Variants in CSMD1 observed in about 807,000 individuals in gnomAD.
CSMD1 encodes CUB and Sushi multiple domains 1, also known as CUB and sushi domain-containing protein 1.
A neutral mutation model predicts 417.5 loss-of-function variants in CSMD1; 213 were observed. The observed-to-expected ratio is 0.51, with a 90% CI of 0.46 to 0.57. The LOEUF (loss-of-function observed/expected upper bound fraction) is 0.57, where lower values mean the gene tolerates loss of function less well. CSMD1 is among the 20% of genes least tolerant of loss of function. The pLI is 0.00. For missense variants in CSMD1, 6,923 were observed against 4,529.7 expected (o/e 1.53, Z -15.17); for synonymous variants, 2,862 against 1,736.8 (o/e 1.65, Z -16.11).
At chr8:3,188,700 T>G (rs965931976) in intron 35 of CSMD1, among the ~76,000 whole-genome samples, 187 bp downstream of exon 35, 23 of 149,472 alleles carry the variant, frequency 1.5e-4, no homozygotes, top group African/African-American at 4.9e-4. Context: ...GTTAGAAATA[T>G]TTTGTTGAAA....
intron 12 of CSMD1, among the ~76,000 whole-genome samples, chr8:3,439,044 A>G (rs6982443): frequency 0.58 from 82,268 of 142,038 alleles, 23,619 homozygotes; most frequent in South Asian, 0.61. Flanking sequence ...AATTGCTTCA[A>G]TCTGGGAGGT....
chr8:4,450,870 T>C (rs1799101399), intron 2 of CSMD1, among the ~76,000 whole-genome samples: 1 of 152,256 alleles, frequency 6.6e-6, no homozygotes, highest in South Asian at 2.1e-4. Flanking sequence ...ATTGTTAATA[T>C]TCTTCCAACC....
At chr8:3,073,643 C>T (rs1196936637) in intron 49 of CSMD1, among the ~76,000 whole-genome samples, 1 of 152,040 alleles carries the variant, frequency 6.6e-6, no homozygotes, top group South Asian at 2.1e-4. Flanking sequence ...TGTTTCAATT[C>T]ATAGACTATA....
chr8:4,395,333 T>C (rs1237209859), intron 3 of CSMD1, among the ~76,000 whole-genome samples: 1 of 152,226 alleles, frequency 6.6e-6, no homozygotes, highest in Non-Finnish European at 1.5e-5. Flanking sequence ...ATTCTTAGTA[T>C]CTGAGAGCAT....
At position 4,706,132 on chromosome 8, in the gene CSMD1, T is replaced by A. The variant is rs187449084; in HGVS notation, c.86-68574A>T. Among the ~76,000 whole-genome samples the A allele has an allele frequency of 3.3e-5, 5 of 150,404 alleles. No individual in the cohort carries two copies. The East Asian group carries it at 9.7e-4, about 29-fold the overall frequency. ...ATATTTTCATGTCCTATATATTACA[T>A]ATTTTATATTAAAATTTTATGTATT... On this transcript the variant is annotated intron_variant, in intron 1 of 69. Coordinates refer to ENST00000635120, the MANE Select transcript of CSMD1 (RefSeq NM_033225.6).
Position 3,798,193 on chromosome 8 carries a change from C to T in CSMD1, c.819-44151G>A, listed in dbSNP as rs2720870. ...AGATAAAACAATTTTTAACATTTTC[C>T]GCTACAGAGTTCATTTCTGTATGAA... is the stretch of plus-strand genomic sequence containing the variant. On this transcript the variant is annotated intron_variant, in intron 5 of 69. Coordinates refer to ENST00000635120, the MANE Select transcript of CSMD1 (RefSeq NM_033225.6). Among the ~76,000 whole-genome samples, 744 of 151,888 alleles carry T rather than the reference C, an allele frequency of 4.9e-3. 4 individuals are homozygous for T. The highest frequency in any genetic ancestry group is 0.017 in the African/African-American group (723 of 41,470).
intron 10 of CSMD1, among the ~76,000 whole-genome samples, chr8:3,553,322 G>C (rs769585944): frequency 1.3e-5 from 2 of 152,132 alleles, no homozygotes; most frequent in African/African-American, 4.8e-5. Context: ...CCAATTTCAG[G>C]AATTTTTATA....
At chr8:4,131,276 T>C (rs1407060793) in intron 3 of CSMD1, among the ~76,000 whole-genome samples, 2 of 151,374 alleles carry the variant, frequency 1.3e-5, no homozygotes, top group Non-Finnish European at 2.9e-5. Flanking sequence ...CTGTAGGAAC[T>C]GAAGAGGCTG....
chr8:3,965,043 G>A (rs76584596), intron 5 of CSMD1, among the ~76,000 whole-genome samples: 10 of 152,168 alleles, frequency 6.6e-5, no homozygotes, highest in African/African-American at 1.7e-4. Context: ...CAATGTGCTT[G>A]TAAATATTGA....
chr8:4,413,574 A>C (rs914692359), intron 3 of CSMD1, among the ~76,000 whole-genome samples: 2 of 150,442 alleles, frequency 1.3e-5, no homozygotes, highest in African/African-American at 4.9e-5. Context: ...TTATTTTATC[A>C]TAGCAAGAAC....
intron 8 of CSMD1, among the ~76,000 whole-genome samples, chr8:3,591,500 T>C (rs1800843172): frequency 6.6e-6 from 1 of 152,124 alleles, no homozygotes; most frequent in Non-Finnish European, 1.5e-5. Context: ...TTTTGAAAAA[T>C]AATTTGAGGT....
intron 10 of CSMD1, among the ~76,000 whole-genome samples, chr8:3,566,460 C>G (rs13259953): frequency 0.39 from 58,787 of 151,844 alleles, 11,582 homozygotes; most frequent in Middle Eastern, 0.48. Flanking sequence ...CGTACCGCTC[C>G]TCCTGCACCT....
rs138667695 is a variant in CSMD1, at chr8:4,511,665, G to C, written c.303-91600C>G. On this transcript the variant is annotated intron_variant, in intron 2 of 69. Transcript: ENST00000635120. ...CAGGGCAGAAACCCACAAGCACAAA[G>C]CTCCAGAGTGGGAGTAGGGAAGGCA... is the stretch of plus-strand genomic sequence containing the variant. Among the ~76,000 whole-genome samples the C allele has an allele frequency of 1.8e-3, 270 of 152,272 alleles. 1 individual carries two copies. Among genetic ancestry groups the C allele is most frequent in the African/African-American group, 6.2e-3 (259 of 41,568 alleles).
intron 3 of CSMD1, among the ~76,000 whole-genome samples, chr8:4,345,184 G>A (rs144225728): frequency 6.6e-6 from 1 of 152,126 alleles, no homozygotes; most frequent in Non-Finnish European, 1.5e-5. Flanking sequence ...TTACATGCAA[G>A]ACATCGCATT....
At chr8:3,341,918 T>C (rs61143577) in intron 23 of CSMD1, among the ~76,000 whole-genome samples, 7,702 of 152,090 alleles carry the variant, frequency 0.051, 626 homozygotes, top group African/African-American at 0.18. Flanking sequence ...GGACGAGAAG[T>C]GGAAAAAACA....
rs373332117 is a variant in CSMD1 at position 4,046,324 on chromosome 8, T to C, written c.416-14225A>G. ...TATTTCTCTTCTTTGTCCTGGAAGT[T>C]AGCTTCTAAAAATAGACTCAATGTT... On this transcript the variant is annotated intron_variant, in intron 3 of 69. Coordinates refer to ENST00000635120, the MANE Select transcript of CSMD1 (RefSeq NM_033225.6). Among the ~76,000 whole-genome samples, 40 of 152,262 alleles carry C rather than the reference T, an allele frequency of 2.6e-4. 1 individual carries two copies. Among genetic ancestry groups the C allele is most frequent in the African/African-American group, 8.7e-4 (36 of 41,588 alleles).
chr8:3,323,106 C>T (rs1303781764), intron 23 of CSMD1, among the ~76,000 whole-genome samples: 2 of 152,138 alleles, frequency 1.3e-5, no homozygotes, highest in Non-Finnish European at 2.9e-5. Flanking sequence ...TATCTTTCCA[C>T]CTCTAACATT....
In CSMD1 at chr8:3,396,395, C is replaced by T; in HGVS notation, c.2406-14G>A. 1 of 1,535,000 alleles carries T rather than the reference C, an allele frequency of 6.5e-7. No individual in the cohort carries two copies. The highest frequency in any genetic ancestry group is 1.3e-5 in the South Asian group (1 of 77,682). ...TCTGTCTGAAATCTGCAAATATATA[C>T]ATCCCATCAGAAAAGACATGCAGAA... is the stretch of plus-strand genomic sequence containing the variant. On this transcript the variant is annotated splice_polypyrimidine_tract_variant and intron_variant, in intron 16 of 69. Coordinates refer to ENST00000635120, the MANE Select transcript of CSMD1 (RefSeq NM_033225.6).
intron 1 of CSMD1, among the ~76,000 whole-genome samples, chr8:4,897,314 G>C (rs1436726701): frequency 2.0e-5 from 3 of 151,978 alleles, no homozygotes; most frequent in Admixed American, 6.5e-5. Context: ...AAATAAAATA[G>C]AGTTTTACCA....
Sources: gnomAD v4.1 joint callset for allele counts (sites outside exome capture counted in the v4.1 genomes callset) on GRCh38, gnomAD v4.1.1 for gene constraint, MANE v1.5 for transcripts, NCBI Gene and HGNC (gene_info 2026-07-23, HGNC 2026-07-21) for gene names.